Variants in WWOX observed in about 807,000 individuals in gnomAD.
The protein encoded by WWOX is WW domain containing oxidoreductase, also known as WW domain-containing oxidoreductase.
Under a neutral mutation model 46.2 loss-of-function variants are expected in WWOX, and 69 were observed. The ratio of observed to expected loss-of-function variants is 1.49; its 90% CI spans 1.23 to 1.82. The LOEUF (loss-of-function observed/expected upper bound fraction) is 1.82. WWOX is among the 40% of genes most tolerant of loss of function. The pLI is 0.00. For missense variants in WWOX, 919 were observed against 542.6 expected (o/e 1.69, Z -6.89); for synonymous variants, 359 against 202.6 (o/e 1.77, Z -6.56).
chr16:78,411,026 T>A (rs182025457), intron 6 of WWOX, among the ~76,000 whole-genome samples: 2 of 152,078 alleles, frequency 1.3e-5, no homozygotes, highest in African/African-American at 4.8e-5. Context: ...TTAGCTTCCA[T>A]TGGATTGAGT....
At chr16:78,934,932 T>C (rs1222355732) in intron 8 of WWOX, among the ~76,000 whole-genome samples, 4 of 152,120 alleles carry the variant, frequency 2.6e-5, no homozygotes. Flanking sequence ...AAACCCCATC[T>C]CTACAAAGAA....
rs142134040 is a variant in WWOX, at chr16:78,902,167, C to T, written c.1057-309441C>T. Reference sequence around the variant, plus strand: ...GGGAAACATTTTTCTTCTGGAGAATCGGGCAGCCTGCAGCTGATCCGGTGG... The same window carrying T: ...GGGAAACATTTTTCTTCTGGAGAATTGGGCAGCCTGCAGCTGATCCGGTGG... On this transcript the variant is annotated intron_variant, in intron 8 of 8. Coordinates refer to ENST00000566780, the MANE Select transcript of WWOX (RefSeq NM_016373.4). 6.6e-5 allele frequency among the ~76,000 whole-genome samples: 10 copies of T among 152,172 alleles called. No individual in the cohort carries two copies. The East Asian group carries it at 7.7e-4, about 12-fold the overall frequency.
chr16:78,169,420 A>G (rs2035076932), intron 5 of WWOX, among the ~76,000 whole-genome samples: 3 of 150,714 alleles, frequency 2.0e-5, no homozygotes, highest in Admixed American at 6.6e-5. Context: ...CTGTTGCTTT[A>G]TTTCTCGGGG....
chr16:78,719,002 C>G (rs2048632493), intron 8 of WWOX, among the ~76,000 whole-genome samples: 1 of 152,052 alleles, frequency 6.6e-6, no homozygotes, highest in Non-Finnish European at 1.5e-5. Flanking sequence ...CCCAGGCACT[C>G]TTGGTAGCAG....
intron 8 of WWOX, among the ~76,000 whole-genome samples, chr16:78,477,086 G>T (rs1420320636): frequency 3.9e-5 from 6 of 152,118 alleles, no homozygotes; most frequent in East Asian, 1.9e-4. Flanking sequence ...GCACTCAAAA[G>T]CATAAGAGCC....
rs751546729 is a variant in WWOX at position 78,115,047 on chromosome 16, C to T, written c.302C>T (p.Pro101Leu). 1 of 1,614,206 alleles carries T rather than the reference C, an allele frequency of 6.2e-7. No homozygotes were observed. Among genetic ancestry groups the T allele is most frequent in the Non-Finnish European group, 8.5e-7 (1 of 1,180,036 alleles). The change falls in exon 4 of 9, where the codon CCA becomes CTA. Residue 101 changes from proline to leucine, a missense_variant. By Grantham distance (98) the Pro-to-Leu change is moderately conservative. Coordinates refer to ENST00000566780, the MANE Select transcript of WWOX (RefSeq NM_016373.4). ...ACTGTGGATGATAATCCGACCAAGC[C>T]AACCACCCGGCAAAGATACGACGGC... is the stretch of plus-strand genomic sequence containing the variant. The part of the protein sequence containing the change: ...AFTVDDNPTK[P>L]TTRQRYDGST...
intron 8 of WWOX, among the ~76,000 whole-genome samples, chr16:78,434,817 G>A (rs60507543): frequency 0.099 from 15,139 of 152,168 alleles, 995 homozygotes; most frequent in East Asian, 0.2. Context: ...GAATGGATGA[G>A]GAGTCATTGA....
chr16:78,370,245 A>T (rs1251463121), intron 5 of WWOX, among the ~76,000 whole-genome samples: 1 of 151,974 alleles, frequency 6.6e-6, no homozygotes, highest in African/African-American at 2.4e-5. Context: ...CAAGTTAGCT[A>T]ATCTCTGCTT....
intron 5 of WWOX, among the ~76,000 whole-genome samples, chr16:78,170,675 T>C (rs2035128308): frequency 6.6e-6 from 1 of 152,242 alleles, no homozygotes; most frequent in Non-Finnish European, 1.5e-5. Context: ...CACTCAACTG[T>C]CATTTGAAAA....
At chr16:78,316,766 G>A (rs967794937) in intron 5 of WWOX, among the ~76,000 whole-genome samples, 1 of 152,122 alleles carries the variant, frequency 6.6e-6, no homozygotes, top group African/African-American at 2.4e-5. Context: ...TAAAGTAATT[G>A]CTTTCTTATG....
intron 8 of WWOX, among the ~76,000 whole-genome samples, chr16:78,737,939 A>G (rs556780783): frequency 1.3e-5 from 2 of 152,164 alleles, no homozygotes; most frequent in African/African-American, 4.8e-5. Flanking sequence ...TATTGTTTTA[A>G]TCAATTTTCC....
intron 4 of WWOX, among the ~76,000 whole-genome samples, chr16:78,150,328 A>G (rs1170396291): frequency 3.3e-5 from 5 of 152,242 alleles, no homozygotes; most frequent in African/African-American, 1.2e-4. Context: ...CAGGCACCAC[A>G]TGCTCAGCAA....
At chr16:78,836,859 T>C (rs970160939) in intron 8 of WWOX, among the ~76,000 whole-genome samples, 17 of 152,188 alleles carry the variant, frequency 1.1e-4, no homozygotes, top group African/African-American at 2.9e-4. Context: ...TCTCTTAGCA[T>C]AGGGGGCCAA....
chr16:78,819,390 A>C (rs1219263140), intron 8 of WWOX, among the ~76,000 whole-genome samples: 3 of 152,218 alleles, frequency 2.0e-5, no homozygotes, highest in African/African-American at 7.2e-5. Flanking sequence ...GTGTCATGTC[A>C]GTTTACAATT....
intron 8 of WWOX, among the ~76,000 whole-genome samples, chr16:78,546,609 TA>T (rs1426700551): frequency 6.6e-6 from 1 of 152,234 alleles, no homozygotes; most frequent in Non-Finnish European, 1.5e-5. Flanking sequence ...GCTAGGAACT[TA>T]TTTTTAAAAT....
chr16:79,155,405 G>A (rs1054549984), intron 8 of WWOX, among the ~76,000 whole-genome samples: 3 of 151,848 alleles, frequency 2.0e-5, no homozygotes, highest in African/African-American at 4.8e-5. Context: ...TGGGGGGGTG[G>A]GCAGAGAGTA....
At chr16:78,620,271 A>C (rs1567442063) in intron 8 of WWOX, among the ~76,000 whole-genome samples, 2 of 152,236 alleles carry the variant, frequency 1.3e-5, no homozygotes, top group South Asian at 4.1e-4. Flanking sequence ...GTTAAGGTAC[A>C]GAAGAGGATT....
intron 8 of WWOX, among the ~76,000 whole-genome samples, chr16:78,812,410 TAAAA>T (rs977710774): frequency 1.3e-5 from 2 of 151,608 alleles, no homozygotes; most frequent in Non-Finnish European, 2.9e-5. Context: ...AAATATTTGT[TAAAA>T]AAAACCCAAA....
intron 7 of WWOX, among the ~76,000 whole-genome samples, chr16:78,431,991 G>C (rs931231444): frequency 1.3e-5 from 2 of 152,240 alleles, no homozygotes; most frequent in African/African-American, 4.8e-5. Context: ...GCTGGGATTA[G>C]AGGCATGAGC....
Sources: gnomAD v4.1 joint callset for allele counts (sites outside exome capture counted in the v4.1 genomes callset) on GRCh38, gnomAD v4.1.1 for gene constraint, MANE v1.5 for transcripts, NCBI Gene and HGNC (gene_info 2026-07-23, HGNC 2026-07-21) for gene names.